Variants in TEX36 observed in about 807,000 individuals in gnomAD.
TEX36 encodes testis-expressed protein 36.
TEX36 carries 12 observed loss-of-function variants against 13.6 expected under a neutral mutation model. The ratio of observed to expected loss-of-function variants is 0.88; its 90% CI spans 0.56 to 1.43. The LOEUF (loss-of-function observed/expected upper bound fraction) is 1.43. TEX36 is among the 40% of genes most tolerant of loss of function. The pLI, the probability that TEX36 is intolerant of heterozygous loss-of-function variation, is 0.00. For synonymous variants in TEX36, 93 were observed against 83.0 expected (o/e 1.12, Z -0.65); for missense variants, 224 against 228.3 (o/e 0.98, Z 0.12).
chr10:125,585,798 T>G (rs1338473735), intron 3 of TEX36, among the ~76,000 whole-genome samples: 1 of 152,260 alleles, frequency 6.6e-6, no homozygotes, highest in African/African-American at 2.4e-5. Flanking sequence ...TCCAGGCTTT[T>G]GGGACTTCAT....
At chr10:125,600,870 C>T (rs1216351947) in intron 3 of TEX36, among the ~76,000 whole-genome samples, 1 of 152,240 alleles carries the variant, frequency 6.6e-6, no homozygotes, top group Non-Finnish European at 1.5e-5. Context: ...CTGTGAGACA[C>T]TGAATACCGC....
At chr10:125,646,606 C>T (rs187760816) in intron 3 of TEX36, among the ~76,000 whole-genome samples, 2 of 152,046 alleles carry the variant, frequency 1.3e-5, no homozygotes, top group Admixed American at 6.5e-5. Flanking sequence ...ACAACAGCAA[C>T]AAAAATGTAG....
intron 3 of TEX36, among the ~76,000 whole-genome samples, chr10:125,580,510 A>G (rs1477324614): frequency 1.3e-5 from 2 of 152,104 alleles, no homozygotes; most frequent in African/African-American, 4.8e-5. Flanking sequence ...GGTAAAGGGG[A>G]GGAAAGAAAC....
chr10:125,646,483 T>C (rs1846770321), intron 3 of TEX36, among the ~76,000 whole-genome samples: 3 of 152,044 alleles, frequency 2.0e-5, no homozygotes, highest in Admixed American at 2.0e-4. Flanking sequence ...CAGGAAAGAC[T>C]GGAAATAATT....
At chr10:125,599,358 C>G (rs1412554136) in intron 3 of TEX36, among the ~76,000 whole-genome samples, 2 of 152,218 alleles carry the variant, frequency 1.3e-5, no homozygotes, top group East Asian at 1.9e-4. Flanking sequence ...GGCCACCACA[C>G]CTGCCCTGGG....
At position 125,683,006 on chromosome 10, in the gene TEX36, A is replaced by C; in HGVS notation, c.-17T>G. 6.4e-7 allele frequency: 1 copy of C among 1,551,694 alleles called. No homozygotes were observed. The highest frequency in any genetic ancestry group is 2.4e-5 in the East Asian group (1 of 40,920). On this transcript the variant is annotated 5_prime_UTR_variant, in exon 1 of 4. The change creates a new upstream start codon in the 5' untranslated region. Transcript: ENST00000368821. ...TTTGGTCATTCTCTCCAGGAAGCTG[A>C]ATGTGGCTGAGATTGGCTCCCTCAC...
At chr10:125,669,651 T>C (rs1233146452) in intron 1 of TEX36, among the ~76,000 whole-genome samples, 1 of 152,242 alleles carries the variant, frequency 6.6e-6, no homozygotes, top group Non-Finnish European at 1.5e-5. Flanking sequence ...TCTTGTTACA[T>C]AGGTAAAAGT....
At chr10:125,621,330 A>T (rs1420394079), downstream of TEX36, among the ~76,000 whole-genome samples, 1 of 151,554 alleles carries the variant, frequency 6.6e-6, no homozygotes, top group Non-Finnish European at 1.5e-5. Context: ...AGGGGCTCCA[A>T]TTTCTCCACA....
intron 3 of TEX36, among the ~76,000 whole-genome samples, chr10:125,586,635 CA>C (rs35078105): frequency 0.43 from 49,009 of 113,586 alleles, 11,464 homozygotes; most frequent in African/African-American, 0.51. Flanking sequence ...ACTAAAAATC[CA>C]AAAAAAAAAA....
chr10:125,600,286 G>T (rs1846129958), intron 3 of TEX36, among the ~76,000 whole-genome samples: 1 of 152,174 alleles, frequency 6.6e-6, no homozygotes, highest in African/African-American at 2.4e-5. Context: ...GCCCAGGGAG[G>T]TTGTGCTGGC....
At chr10:125,650,491 TA>T (rs1171461673) in intron 3 of TEX36, among the ~76,000 whole-genome samples, 1 of 152,148 alleles carries the variant, frequency 6.6e-6, no homozygotes, top group African/African-American at 2.4e-5. Context: ...GGGACCCATT[TA>T]AAGCAGTGTG....
rs930366389 is a variant in TEX36, at chr10:125,658,347, G to A, written c.265-2151C>T. Among the ~76,000 whole-genome samples, 8 of 151,832 alleles carry A rather than the reference G, an allele frequency of 5.3e-5. No homozygotes were observed. The East Asian group carries it at 1.2e-3, about 22-fold the overall frequency. The stretch of plus-strand genomic sequence containing the variant: ...AGAGAAACACTTCATATTGATAAAC[G>A]GCAAAAGCCACCATGAAAATAAAAC... On this transcript the variant is annotated intron_variant, in intron 3 of 3. Coordinates refer to ENST00000368821, the MANE Select transcript of TEX36 (RefSeq NM_001128202.3).
At chr10:125,667,376 G>A (rs2133602324) in intron 1 of TEX36, 1 of 650,122 alleles carries the variant, frequency 1.5e-6, no homozygotes. Flanking sequence ...CCCATTAGGG[G>A]GGATCTCAGG....
intron 1 of TEX36, among the ~76,000 whole-genome samples, chr10:125,673,487 G>T (rs1847263946): frequency 6.6e-6 from 1 of 152,090 alleles, no homozygotes; most frequent in African/African-American, 2.4e-5. Flanking sequence ...AAGGTGTGCT[G>T]ATCACTTGAG....
downstream of TEX36, among the ~76,000 whole-genome samples, chr10:125,655,179 T>C (rs187928243): frequency 3.3e-5 from 5 of 152,282 alleles, no homozygotes; most frequent in East Asian, 9.7e-4. Context: ...GCGCGGTGGC[T>C]CATGCCTGTA....
intron 3 of TEX36, among the ~76,000 whole-genome samples, chr10:125,644,259 A>T (rs1846733876): frequency 6.6e-6 from 1 of 152,258 alleles, no homozygotes; most frequent in African/African-American, 2.4e-5. Context: ...CCCAGAAACC[A>T]GTGCAAATAG....
chr10:125,651,121 G>T (rs1027445729), downstream of TEX36, among the ~76,000 whole-genome samples: 7 of 152,296 alleles, frequency 4.6e-5, no homozygotes, highest in African/African-American at 1.7e-4. Context: ...AATAGAAAAA[G>T]AGGGAATCCT....
intron 3 of TEX36, among the ~76,000 whole-genome samples, chr10:125,615,462 T>C (rs1426374720): frequency 1.3e-5 from 2 of 152,148 alleles, no homozygotes; most frequent in Non-Finnish European, 2.9e-5. Context: ...ATCCCATCAA[T>C]ACCTAATTTA....
chr10:125,655,341 A>T (rs1007400290), downstream of TEX36, among the ~76,000 whole-genome samples: 13 of 152,184 alleles, frequency 8.5e-5, no homozygotes, highest in African/African-American at 3.1e-4. Flanking sequence ...GCTACCGGGA[A>T]GGCTGAGGCA....
Sources: gnomAD v4.1 joint callset for allele counts (sites outside exome capture counted in the v4.1 genomes callset) on GRCh38, gnomAD v4.1.1 for gene constraint, MANE v1.5 for transcripts, NCBI Gene and HGNC (gene_info 2026-07-23, HGNC 2026-07-21) for gene names.